Variants in FXYD6 observed in about 807,000 individuals in gnomAD.
FXYD6 encodes the protein FXYD domain-containing ion transport regulator 6.
A neutral mutation model predicts 16.7 loss-of-function variants in FXYD6; 7 were observed. The ratio of observed to expected loss-of-function variants is 0.42; its 90% CI spans 0.24 to 0.79. The LOEUF (loss-of-function observed/expected upper bound fraction) is 0.79, where lower values mean the gene tolerates loss of function less well. Ranked by LOEUF, FXYD6 falls within the 30% of genes least tolerant of loss-of-function variation. The pLI is 0.28. For synonymous variants in FXYD6, 49 were observed against 43.0 expected, an observed-to-expected ratio of 1.14 and a Z score of -0.54; for missense variants, 111 against 116.2, an observed-to-expected ratio of 0.95 and a Z score of 0.21.
chr11:117,859,066 A>T (rs917695800), intron 1 of FXYD6, among the ~76,000 whole-genome samples: 2 of 151,676 alleles, frequency 1.3e-5, no homozygotes, highest in Non-Finnish European at 2.9e-5. Flanking sequence ...GTGAGCCACC[A>T]CTCCCGGCCG....
chr11:117,874,944 C>T (rs543312), intron 1 of FXYD6, among the ~76,000 whole-genome samples: 70,065 of 152,104 alleles, frequency 0.46, 17,817 homozygotes, highest in Non-Finnish European at 0.58. Flanking sequence ...CCTCCACCTT[C>T]CTCTGCAGGG....
At chr11:117,858,766 TTCCTTCC>T (rs2056831666) in intron 1 of FXYD6, among the ~76,000 whole-genome samples, 3 of 139,348 alleles carry the variant, frequency 2.2e-5, no homozygotes, top group Non-Finnish European at 3.1e-5. Flanking sequence ...CCTTCCTTCC[TTCCTTCC>T]TTCCTTCTTT....
chr11:117,846,535 G>A (rs2056474264), intron 1 of FXYD6, among the ~76,000 whole-genome samples: 1 of 152,196 alleles, frequency 6.6e-6, no homozygotes, highest in Non-Finnish European at 1.5e-5. Flanking sequence ...ATCTGAAACT[G>A]ATGTTTGTGT....
chr11:117,842,681 G>A (rs1253608823), intron 2 of FXYD6, 38 bp downstream of exon 2: 7 of 1,550,914 alleles, frequency 4.5e-6, no homozygotes, highest in Non-Finnish European at 4.4e-6. Flanking sequence ...GGACAGGGTT[G>A]TCATCTTGTC....
At chr11:117,838,360 T>A in intron 7 of FXYD6, 83 bp from the exon 8 acceptor site, 1 of 697,896 alleles carries the variant, frequency 1.4e-6, no homozygotes, top group South Asian at 1.5e-5. Context: ...CTTGAGCACC[T>A]GCCCACTGAA....
intron 1 of FXYD6, among the ~76,000 whole-genome samples, chr11:117,854,640 G>C (rs2134166833): frequency 6.6e-6 from 1 of 152,354 alleles, no homozygotes; most frequent in Middle Eastern, 3.4e-3. Flanking sequence ...AACAGGTACA[G>C]ACGCCATGCA....
At chr11:117,858,558 G>A (rs1192604382) in intron 1 of FXYD6, among the ~76,000 whole-genome samples, 2 of 152,124 alleles carry the variant, frequency 1.3e-5, no homozygotes, top group East Asian at 3.9e-4. Context: ...CCAAGCCACA[G>A]GGACCCAGAG....
chr11:117,843,491 G>A (rs2056404956), intron 1 of FXYD6, among the ~76,000 whole-genome samples: 1 of 152,118 alleles, frequency 6.6e-6, no homozygotes, highest in Non-Finnish European at 1.5e-5. Context: ...GCCATCCCTA[G>A]TTCATTCTGA....
At chr11:117,842,628 C>T in intron 2 of FXYD6, 91 bp downstream of exon 2, 1 of 1,321,336 alleles carries the variant, frequency 7.6e-7, no homozygotes, top group Non-Finnish European at 1.1e-6. Context: ...GTCCCCCAGC[C>T]CTAATGTCCC....
intron 4 of FXYD6, 118 bp downstream of exon 4, chr11:117,841,673 G>A: frequency 8.9e-7 from 1 of 1,119,354 alleles, no homozygotes; most frequent in Admixed American, 1.8e-5. Context: ...ATAACACGGA[G>A]GGCAGGCAGC....
intron 1 of FXYD6, among the ~76,000 whole-genome samples, chr11:117,862,955 G>T (rs1163476840): frequency 6.6e-6 from 1 of 152,158 alleles, no homozygotes; most frequent in African/African-American, 2.4e-5. Flanking sequence ...GGATGATGAT[G>T]ATGATGATGA....
At chr11:117,844,587 C>T (rs911324785) in intron 1 of FXYD6, among the ~76,000 whole-genome samples, 2 of 152,046 alleles carry the variant, frequency 1.3e-5, no homozygotes, top group Admixed American at 6.6e-5. Flanking sequence ...TTCCACCTCC[C>T]GGGTTCAAAC....
intron 1 of FXYD6, chr11:117,858,239 G>C (rs951382329): frequency 6.6e-6 from 1 of 152,330 alleles, no homozygotes; most frequent in African/African-American, 2.4e-5. Context: ...TCTCCAAACT[G>C]TCCCTCCTTT....
chr11:117,846,354 T>C (rs767089713), intron 1 of FXYD6, among the ~76,000 whole-genome samples: 3 of 152,228 alleles, frequency 2.0e-5, no homozygotes, highest in Non-Finnish European at 1.5e-5. Flanking sequence ...TTCCAGTTTG[T>C]GGCTTATTTT....
At chr11:117,859,239 T>C (rs908324366) in intron 1 of FXYD6, among the ~76,000 whole-genome samples, 5 of 152,216 alleles carry the variant, frequency 3.3e-5, no homozygotes, top group Non-Finnish European at 7.3e-5. Context: ...GGCAGGACAC[T>C]GTGGAGCCAC....
At chr11:117,864,655 C>T (rs530752585) in intron 1 of FXYD6, among the ~76,000 whole-genome samples, 6 of 152,218 alleles carry the variant, frequency 3.9e-5, no homozygotes, top group African/African-American at 1.2e-4. Flanking sequence ...GGCTCAATCT[C>T]GGCTGACTGC....
chr11:117,869,469 G>T (rs1045040863), intron 1 of FXYD6, among the ~76,000 whole-genome samples: 1 of 152,196 alleles, frequency 6.6e-6, no homozygotes, highest in African/African-American at 2.4e-5. Flanking sequence ...CTCCCACTGC[G>T]AGGGTGCTGG....
At chr11:117,858,360 G>A (rs1193421381) in intron 1 of FXYD6, 2 of 152,368 alleles carry the variant, frequency 1.3e-5, no homozygotes, top group African/African-American at 4.8e-5. Flanking sequence ...GTCGAGCAGA[G>A]CTCCAGGGGG....
At chr11:117,862,217 C>G (rs1208062129) in intron 1 of FXYD6, among the ~76,000 whole-genome samples, 1 of 152,238 alleles carries the variant, frequency 6.6e-6, no homozygotes, top group Non-Finnish European at 1.5e-5. Flanking sequence ...AGGAGGGACA[C>G]AGGTGGTGAA....
Sources: gnomAD v4.1 joint callset for allele counts (sites outside exome capture counted in the v4.1 genomes callset) on GRCh38, gnomAD v4.1.1 for gene constraint, MANE v1.5 for transcripts, NCBI Gene and HGNC (gene_info 2026-07-23, HGNC 2026-07-21) for gene names.